SRBD1: variants seen among roughly 807,000 people sequenced by gnomAD.
The protein encoded by SRBD1 is S1 RNA-binding domain-containing protein 1.
Under a neutral mutation model 115.3 loss-of-function variants are expected in SRBD1, and 88 were observed. The ratio of observed to expected loss-of-function variants is 0.76; its 90% CI spans 0.64 to 0.91. SRBD1 has a LOEUF of 0.91. SRBD1 is among the 40% of genes least tolerant of loss of function. SRBD1 has a pLI of 0.00. For missense variants in SRBD1, 1,385 were observed against 1,177.4 expected (o/e 1.18, Z -2.58); for synonymous variants, 509 against 407.7 (o/e 1.25, Z -2.99).
Position 45,413,213 on chromosome 2 carries a change from T to G in SRBD1, c.2414A>C (p.Gln805Pro). The G allele has an allele frequency of 6.2e-7, 1 of 1,614,130 alleles. No homozygotes were observed. Among genetic ancestry groups the G allele is most frequent in the Non-Finnish European group, 8.5e-7 (1 of 1,179,976 alleles). Reference protein sequence around the residue: ...SADVEVTNEKQGKKKSKTAVN... With the variant: ...SADVEVTNEKPGKKKSKTAVN... ...TGCAGTTTTGCTCTTCTTTTTGCCC[T>G]GCTTCTCATTTGTGACCTCAACGTC... is the stretch of plus-strand genomic sequence containing the variant. Residue 805 changes from glutamine (Q) to proline (P), a missense_variant, in exon 19 of 21, where the codon CAG (glutamine) becomes CCG (proline). Coordinates refer to ENST00000263736, the MANE Select transcript of SRBD1 (RefSeq NM_018079.5).
chr2:45,480,728 G>A lies in SRBD1; in HGVS notation c.1967-3653C>T, dbSNP rs186581136. Among the ~76,000 whole-genome samples the A allele has an allele frequency of 6.6e-4, 100 of 152,270 alleles. 1 individual carries two copies. The highest frequency in any genetic ancestry group is 1.2e-3 in the Non-Finnish European group (79 of 68,020). ...TTGATAAAGCAGCAGCAGCAGGAAT[G>A]GATAGTATGGACTTCAATTTTAAAT... On this transcript the variant is annotated intron_variant, in intron 15 of 20. Transcript: ENST00000263736.
intron 14 of SRBD1, among the ~76,000 whole-genome samples, chr2:45,504,275 A>G (rs1048238362): frequency 2.0e-5 from 3 of 152,148 alleles, no homozygotes; most frequent in African/African-American, 7.2e-5. Flanking sequence ...AGCTTTCCAA[A>G]GTGATGCCAG....
chr2:45,553,981 A>C (rs1440327735), intron 10 of SRBD1, among the ~76,000 whole-genome samples: 1 of 152,206 alleles, frequency 6.6e-6, no homozygotes. Flanking sequence ...TCTTCAGTAA[A>C]GGGTCTCCAA....
chr2:45,540,373 G>A (rs1023765105), intron 14 of SRBD1, among the ~76,000 whole-genome samples: 3 of 151,118 alleles, frequency 2.0e-5, no homozygotes, highest in Non-Finnish European at 4.4e-5. Context: ...ATGAGTGGAT[G>A]TCAATTCTCC....
intron 15 of SRBD1, among the ~76,000 whole-genome samples, chr2:45,483,753 C>G (rs1462388155): frequency 6.6e-6 from 1 of 152,090 alleles, no homozygotes; most frequent in African/African-American, 2.4e-5. Context: ...CCCATGTTGT[C>G]TTTTTCAGTC....
intron 19 of SRBD1, among the ~76,000 whole-genome samples, chr2:45,398,927 G>A (rs1368998457): frequency 6.6e-6 from 1 of 152,194 alleles, no homozygotes; most frequent in African/African-American, 2.4e-5. Context: ...TAGGAAAGGT[G>A]TTGTGTACTG....
At chr2:45,542,491 A>T (rs1671976354) in intron 14 of SRBD1, among the ~76,000 whole-genome samples, 1 of 152,180 alleles carries the variant, frequency 6.6e-6, no homozygotes, top group South Asian at 2.1e-4. Context: ...CCTGTGGAGC[A>T]TGCAACCCAA....
intron 14 of SRBD1, among the ~76,000 whole-genome samples, chr2:45,545,333 G>C (rs1275175968): frequency 8.3e-6 from 1 of 120,434 alleles, no homozygotes; most frequent in Non-Finnish European, 1.6e-5. Context: ...ACCCAGATTT[G>C]TCTGACCCCA....
chr2:45,413,060 C>T, intron 19 of SRBD1, 54 bp downstream of exon 19: 1 of 1,532,836 alleles, frequency 6.5e-7, no homozygotes, highest in Non-Finnish European at 8.8e-7. Context: ...AGGCCATTTG[C>T]TGTAAAGAAC....
At chr2:45,483,892 ATGT>A (rs1304846570) in intron 15 of SRBD1, among the ~76,000 whole-genome samples, 2 of 152,124 alleles carry the variant, frequency 1.3e-5, no homozygotes, top group African/African-American at 4.8e-5. Context: ...GCTGAGAAAG[ATGT>A]TGAACTGAAA....
intron 16 of SRBD1, among the ~76,000 whole-genome samples, chr2:45,466,306 T>A (rs993115371): frequency 6.6e-6 from 1 of 152,094 alleles, no homozygotes; most frequent in East Asian, 1.9e-4. Context: ...CTGGAGCTCC[T>A]CTCCATTTTC....
chr2:45,492,663 T>A (rs1670334764), intron 14 of SRBD1, among the ~76,000 whole-genome samples: 1 of 152,132 alleles, frequency 6.6e-6, no homozygotes, highest in African/African-American at 2.4e-5. Flanking sequence ...ATGGTCTCGA[T>A]CTCCTGACCT....
At chr2:45,537,991 G>A (rs3770291) in intron 14 of SRBD1, among the ~76,000 whole-genome samples, 16,653 of 152,180 alleles carry the variant, frequency 0.11, 1,060 homozygotes, top group East Asian at 0.2. Context: ...TTGGAGAGCA[G>A]GCAAGGAGGT....
At chr2:45,468,760 C>T (rs892841555) in intron 16 of SRBD1, among the ~76,000 whole-genome samples, 9 of 152,140 alleles carry the variant, frequency 5.9e-5, no homozygotes, top group Admixed American at 3.3e-4. Flanking sequence ...CATTCTGCAA[C>T]AGAATTGCTG....
At chr2:45,482,103 TTA>T (rs1558424247) in intron 15 of SRBD1, among the ~76,000 whole-genome samples, 1 of 152,138 alleles carries the variant, frequency 6.6e-6, no homozygotes, top group Non-Finnish European at 1.5e-5. Flanking sequence ...AGGGTAAATT[TTA>T]TGTTATGTAA....
intron 16 of SRBD1, among the ~76,000 whole-genome samples, chr2:45,434,248 C>T (rs1168061140): frequency 6.6e-6 from 1 of 152,158 alleles, no homozygotes; most frequent in Non-Finnish European, 1.5e-5. Flanking sequence ...ACCCAACATT[C>T]CAGGGCTTCA....
At chr2:45,491,727 T>C (rs1321870863) in intron 14 of SRBD1, among the ~76,000 whole-genome samples, 3 of 152,238 alleles carry the variant, frequency 2.0e-5, no homozygotes, top group African/African-American at 7.2e-5. Context: ...CACACACTTA[T>C]AAAGTAAAAA....
chr2:45,520,645 A>G (rs970053040), intron 14 of SRBD1, among the ~76,000 whole-genome samples: 2 of 151,922 alleles, frequency 1.3e-5, no homozygotes, highest in African/African-American at 4.9e-5. Context: ...GAGCAGATGA[A>G]GAGACAAGCA....
chr2:45,539,155 C>G (rs1051746876), intron 14 of SRBD1, among the ~76,000 whole-genome samples: 7 of 151,622 alleles, frequency 4.6e-5, no homozygotes, highest in African/African-American at 1.7e-4. Context: ...AATGAGCTAC[C>G]TGGATTCATC....
Sources: gnomAD v4.1 joint callset for allele counts (sites outside exome capture counted in the v4.1 genomes callset) on GRCh38, gnomAD v4.1.1 for gene constraint, MANE v1.5 for transcripts, NCBI Gene and HGNC (gene_info 2026-07-23, HGNC 2026-07-21) for gene names.